Variants in ANXA4 observed in about 807,000 individuals in gnomAD.
ANXA4 encodes the protein annexin A4, also known as 35-beta calcimedin.
In ANXA4, 39 loss-of-function variants were observed where a neutral mutation model predicts 49.8. That is an observed-to-expected ratio of 0.78 (90% CI 0.61 to 1.02). The LOEUF is 1.02. Among genes scored for constraint, ANXA4 ranks in the 50% least tolerant of loss-of-function variants. The probability of loss-of-function intolerance (pLI) is 0.00; values close to 1 mark genes in which losing one functional copy is unlikely to be tolerated. For synonymous variants in ANXA4, 134 were observed against 152.5 expected (o/e 0.88, Z 0.89); for missense variants, 360 against 410.1 (o/e 0.88, Z 1.05).
chr2:69,688,325 C>G (rs1367235163), intron 2 of ANXA4, among the ~76,000 whole-genome samples: 1 of 152,156 alleles, frequency 6.6e-6, no homozygotes, highest in Non-Finnish European at 1.5e-5. Context: ...TCCTGTATTT[C>G]TCACTAGGAG....
chr2:69,823,710 T>C (rs1255229380), intron 12 of ANXA4, among the ~76,000 whole-genome samples: 1 of 152,184 alleles, frequency 6.6e-6, no homozygotes, highest in Non-Finnish European at 1.5e-5. Flanking sequence ...TGCATTCAAA[T>C]GTATAAATAA....
chr2:69,735,895 A>C (rs1018775127), intron 3 of ANXA4, among the ~76,000 whole-genome samples: 3 of 152,138 alleles, frequency 2.0e-5, no homozygotes, highest in Non-Finnish European at 2.9e-5. Flanking sequence ...AAGGCTTCCT[A>C]GTCACATGTC....
chr2:69,663,698 A>G (rs1676824358), intron 2 of ANXA4, among the ~76,000 whole-genome samples: 1 of 152,062 alleles, frequency 6.6e-6, no homozygotes, highest in African/African-American at 2.4e-5. Context: ...AAAAATGAAC[A>G]CTCAGAGAAC....
chr2:69,736,109 A>T (rs899385755), intron 3 of ANXA4, among the ~76,000 whole-genome samples: 3 of 152,122 alleles, frequency 2.0e-5, no homozygotes, highest in African/African-American at 7.2e-5. Flanking sequence ...TCCTTTTAAG[A>T]CCCAGTTTTG....
chr2:69,801,088 A>C (rs1673173749), intron 3 of ANXA4, among the ~76,000 whole-genome samples: 1 of 152,138 alleles, frequency 6.6e-6, no homozygotes, highest in Admixed American at 6.5e-5. Context: ...GACAGTCCCT[A>C]CCCCAGTCTT....
intron 1 of ANXA4, among the ~76,000 whole-genome samples, chr2:69,756,202 C>T (rs1305695427): frequency 6.6e-6 from 1 of 152,202 alleles, no homozygotes; most frequent in Non-Finnish European, 1.5e-5. Flanking sequence ...GAATAAAACA[C>T]CAGTCACTTG....
At chr2:69,794,333 G>C (rs1183689428) in intron 3 of ANXA4, among the ~76,000 whole-genome samples, 1 of 152,194 alleles carries the variant, frequency 6.6e-6, no homozygotes, top group African/African-American at 2.4e-5. Context: ...CTTGGAGGCA[G>C]GCTGACCATC....
In ANXA4 at chr2:69,774,200, CTCT is replaced by C. The variant is rs1463701542; in HGVS notation, c.-46-7318_-46-7316del. Among the ~76,000 whole-genome samples, 4 of 152,248 alleles carry C rather than the reference CTCT, an allele frequency of 2.6e-5. No homozygotes were observed. The East Asian group carries it at 7.7e-4, about 29-fold the overall frequency. On this transcript the variant is annotated intron_variant, in intron 1 of 12. Transcript: ENST00000394295. ...ACTCTCTGTGCCTTTCTCCATTCTT[CTCT>C]TAACTAACCTCATGTTTTTATTAGC...
intron 1 of ANXA4, among the ~76,000 whole-genome samples, chr2:69,762,486 A>G (rs1299562843): frequency 2.0e-5 from 3 of 152,046 alleles, no homozygotes; most frequent in Non-Finnish European, 4.4e-5. Context: ...GAGGGATTGT[A>G]ATGGGCCTGG....
At chr2:69,767,789 A>G (rs1020071006) in intron 1 of ANXA4, among the ~76,000 whole-genome samples, 1 of 152,204 alleles carries the variant, frequency 6.6e-6, no homozygotes, top group Non-Finnish European at 1.5e-5. Flanking sequence ...GCTTGTTAAA[A>G]GATATGAAGA....
chr2:69,781,513 A>G lies in ANXA4; in HGVS notation c.-46-7A>G. The G allele has an allele frequency of 6.2e-7, 1 of 1,611,106 alleles. No homozygotes were observed. The highest frequency in any genetic ancestry group is 1.3e-5 in the African/African-American group (1 of 74,988). ...TCACAGTAATTTCCCCTCTGCTTTT[A>G]TCACAGAAGAACTTCTGCTTGGGTG... On this transcript the variant is annotated splice_polypyrimidine_tract_variant and splice_region_variant and intron_variant, in intron 1 of 12. Coordinates refer to ENST00000394295, the MANE Select transcript of ANXA4 (RefSeq NM_001153.5).
chr2:69,722,705 AAC>A (rs1490698099), intron 3 of ANXA4, among the ~76,000 whole-genome samples: 4 of 152,144 alleles, frequency 2.6e-5, no homozygotes, highest in Admixed American at 2.6e-4. Flanking sequence ...ATAGTTGCAC[AAC>A]ATCGTGAATT....
Position 69,795,613 on chromosome 2 carries a change from G to A in ANXA4, c.97+7472G>A, listed in dbSNP as rs2103757278. Among the ~76,000 whole-genome samples the A allele has an allele frequency of 2.0e-5, 3 of 152,158 alleles. No individual in the cohort carries two copies. In the East Asian group the frequency reaches 5.8e-4, roughly 29 times the overall value. On this transcript the variant is annotated intron_variant, in intron 3 of 12. Transcript: ENST00000394295. Reference sequence around the variant, plus strand: ...CTGGCTTTAGAGGATATTGTCTCTGGTTAGGAAAAGAAGTGGGATTTTTAA... The same window carrying A: ...CTGGCTTTAGAGGATATTGTCTCTGATTAGGAAAAGAAGTGGGATTTTTAA...
At position 69,806,440 on chromosome 2, in the gene ANXA4, T is replaced by C. The variant is rs1673445151; in HGVS notation, c.248T>C (p.Val83Ala). The C allele has an allele frequency of 6.2e-7, 1 of 1,613,946 alleles. No individual in the cohort carries two copies. Among genetic ancestry groups the C allele is most frequent in the Non-Finnish European group, 8.5e-7 (1 of 1,179,996 alleles). ...ELSGNFEQVI[V>A]GMMTPTVLYD... ...AGTGGCAACTTCGAGCAGGTGATTGTGGGGATGATGACGCCCACGGTGCTG... is the reference window on the plus strand; with the variant it reads ...AGTGGCAACTTCGAGCAGGTGATTGCGGGGATGATGACGCCCACGGTGCTG... Residue 83 changes from valine (V) to alanine (A), a missense_variant, in exon 5 of 13, where the codon GTG becomes GCG. Physicochemically the swap from Val to Ala is moderately conservative, Grantham distance 64 (BLOSUM62 0). Transcript: ENST00000394295.
chr2:69,821,472 T>G (rs1191042585), intron 12 of ANXA4, among the ~76,000 whole-genome samples: 1 of 150,716 alleles, frequency 6.6e-6, no homozygotes, highest in African/African-American at 2.5e-5. Flanking sequence ...TGATTTTAAC[T>G]GCAGATTTTT....
chr2:69,763,946 C>T (rs1304157251), intron 1 of ANXA4, among the ~76,000 whole-genome samples: 1 of 152,134 alleles, frequency 6.6e-6, no homozygotes, highest in Non-Finnish European at 1.5e-5. Flanking sequence ...CAGACGTGAG[C>T]CACCGCACCT....
chr2:69,661,787 G>A (rs184356003), intron 2 of ANXA4, among the ~76,000 whole-genome samples: 1 of 152,246 alleles, frequency 6.6e-6, no homozygotes, highest in Admixed American at 6.5e-5. Context: ...GAAAGTGGGT[G>A]TGTAGGTGAG....
chr2:69,760,034 G>T (rs1340536021), intron 1 of ANXA4, among the ~76,000 whole-genome samples: 2 of 151,940 alleles, frequency 1.3e-5, no homozygotes, highest in African/African-American at 4.8e-5. Context: ...GGGTTTCACC[G>T]TGTTAGCCAG....
chr2:69,654,712 T>C (rs1676372190), intron 2 of ANXA4, among the ~76,000 whole-genome samples: 2 of 152,156 alleles, frequency 1.3e-5, no homozygotes, highest in Admixed American at 6.6e-5. Flanking sequence ...GAATTTTGGA[T>C]AGCCAAGACA....
Sources: gnomAD v4.1 joint callset for allele counts (sites outside exome capture counted in the v4.1 genomes callset) on GRCh38, gnomAD v4.1.1 for gene constraint, MANE v1.5 for transcripts, NCBI Gene and HGNC (gene_info 2026-07-23, HGNC 2026-07-21) for gene names.